The following LEPR variants were observed in gnomAD, a reference collection of about 807,000 sequenced individuals.
LEPR encodes the protein leptin receptor.
LEPR carries 56 observed loss-of-function variants against 114.7 expected under a neutral mutation model. The ratio of observed to expected loss-of-function variants is 0.49; its 90% confidence interval spans 0.39 to 0.61. LEPR has a LOEUF of 0.61. LEPR is among the 20% of genes least tolerant of loss of function. The pLI is 0.00. For missense variants in LEPR, 1,202 were observed against 1,352.9 expected (o/e 0.89, Z 1.75); for synonymous variants, 443 against 461.4 (o/e 0.96, Z 0.51).
rs746032514 is a variant in LEPR at position 65,420,692 on chromosome 1, G to A, written c.-145G>A. The A allele has an allele frequency of 3.2e-6, 5 of 1,572,514 alleles. No homozygotes were observed. Among genetic ancestry groups the A allele is most frequent in the South Asian group, 2.3e-5 (2 of 85,652 alleles). ...CAGGCTGCCCGGGCCGTGGCAGGAA[G>A]CCGGAAGCAGCCGCGGCCCCAGTTC... On this transcript the variant is annotated 5_prime_UTR_variant, in exon 1 of 20. Transcript: ENST00000349533.
intron 2 of LEPR, among the ~76,000 whole-genome samples, chr1:65,457,044 A>G (rs116498241): frequency 0.019 from 2,960 of 152,244 alleles, 67 homozygotes; most frequent in South Asian, 0.093. Context: ...CAAGAATCCA[A>G]TCCTTCAAAT....
Position 65,484,452 on chromosome 1 carries a change from TC to T in LEPR, c.-21+59075del. Among the ~76,000 whole-genome samples, 2 of 152,314 alleles carry T rather than the reference TC, an allele frequency of 1.3e-5. 1 individual carries two copies. Among genetic ancestry groups the T allele is most frequent in the South Asian group, 4.1e-4 (2 of 4,832 alleles). ...TGTTTTTTAAACTAATGATTTGCTTTCAAGTCAGTGTTGTCACACGTCCAAG... is the reference window on the plus strand; with the variant it reads ...TGTTTTTTAAACTAATGATTTGCTTTAAGTCAGTGTTGTCACACGTCCAAG... On this transcript the variant is annotated intron_variant, in intron 2 of 19. Transcript: ENST00000349533.
intron 2 of LEPR, among the ~76,000 whole-genome samples, chr1:65,518,247 A>T (rs940214111): frequency 6.6e-6 from 1 of 152,192 alleles, no homozygotes; most frequent in African/African-American, 2.4e-5. Flanking sequence ...CCACTGGTTT[A>T]AAATTCTCAA....
chr1:65,431,896 G>T (rs1646490319), intron 2 of LEPR: 1 of 1,614,012 alleles, frequency 6.2e-7, no homozygotes, highest in South Asian at 1.1e-5. Flanking sequence ...AAGAGGAGAT[G>T]ATTTTAGCTG....
intron 2 of LEPR, among the ~76,000 whole-genome samples, chr1:65,507,764 A>G (rs1239176641): frequency 1.3e-5 from 2 of 152,106 alleles, no homozygotes; most frequent in Admixed American, 6.6e-5. Context: ...TTAAAACTTC[A>G]TACTGTTTTT....
Position 65,637,099 on chromosome 1 carries a change from A to G in LEPR, c.*84A>G. ...TATAGTTGTGGGTGGGAGAGAGAAA[A>G]GAAACCAGAGTCAAATTTGAAAATA... On this transcript the variant is annotated 3_prime_UTR_variant, in exon 20 of 20. Transcript: ENST00000349533. 1 of 1,400,140 alleles carries G rather than the reference A, an allele frequency of 7.1e-7. No homozygotes were observed. Among genetic ancestry groups the G allele is most frequent in the Non-Finnish European group, 9.8e-7 (1 of 1,017,540 alleles). The allele number at this position is 1,400,140 out of a possible 1,614,324, so 86.7% of individuals were successfully genotyped here.
chr1:65,492,692 A>T (rs1323310857), intron 2 of LEPR, among the ~76,000 whole-genome samples: 2 of 151,946 alleles, frequency 1.3e-5, no homozygotes, highest in African/African-American at 4.8e-5. Context: ...ATTTTAGATA[A>T]ATGCATGTGT....
At chr1:65,475,494 C>G (rs968383846) in intron 2 of LEPR, among the ~76,000 whole-genome samples, 1 of 152,178 alleles carries the variant, frequency 6.6e-6, no homozygotes, top group African/African-American at 2.4e-5. Context: ...CTGAATTCTT[C>G]CCTTCCACGT....
At chr1:65,535,486 T>C (rs1650704225) in intron 2 of LEPR, among the ~76,000 whole-genome samples, 1 of 151,750 alleles carries the variant, frequency 6.6e-6, no homozygotes. Flanking sequence ...TGCCTCAGTG[T>C]CCCCACTGCA....
In LEPR at chr1:65,610,052, G is replaced by T; in HGVS notation, c.1858G>T (p.Gly620Ter). The change falls in exon 13 of 20, where the codon GGA (glycine) becomes TGA (stop). Residue 620 changes from glycine to a stop codon, truncating the protein, a stop_gained. Transcript: ENST00000349533. LOFTEE classifies it high-confidence loss of function. ...GCGCTGTAAGAGGCTAGATGGACTG[G>T]GATATTGGAGTAATTGGAGCAATCC... ...QVRCKRLDGL[G>*]YWSNWSNPAY... 1 of 1,614,202 alleles carries T rather than the reference G, an allele frequency of 6.2e-7. No individual in the cohort carries two copies. Among genetic ancestry groups the T allele is most frequent in the South Asian group, 1.1e-5 (1 of 91,090 alleles).
chr1:65,574,344 A>T lies in LEPR; in HGVS notation c.494+1895A>T, dbSNP rs138866310. 8.4e-3 allele frequency among the ~76,000 whole-genome samples: 1,273 copies of T among 152,354 alleles called. 11 individuals carry two copies. The highest frequency in any genetic ancestry group is 0.012 in the Non-Finnish European group (847 of 68,042). On this transcript the variant is annotated intron_variant, in intron 5 of 19. Coordinates refer to ENST00000349533, the MANE Select transcript of LEPR (RefSeq NM_002303.6). ...GCACACCAACATGGCACATGTATAC[A>T]TATGTAACAAACCTGCACGTTGTGC... is the stretch of plus-strand genomic sequence containing the variant.
intron 2 of LEPR, among the ~76,000 whole-genome samples, chr1:65,506,266 A>C (rs1026468367): frequency 6.6e-6 from 1 of 152,174 alleles, no homozygotes; most frequent in African/African-American, 2.4e-5. Context: ...ATATTGTCCC[A>C]CTCCTGGTAA....
intron 2 of LEPR, among the ~76,000 whole-genome samples, chr1:65,546,446 A>T (rs934639371): frequency 1.3e-5 from 2 of 152,074 alleles, no homozygotes; most frequent in African/African-American, 4.8e-5. Context: ...ATGAGCATGG[A>T]ATGTTCTTCC....
chr1:65,571,799 A>T lies in LEPR; in HGVS notation c.371-527A>T, dbSNP rs1314054350. On this transcript the variant is annotated intron_variant, in intron 4 of 19. Transcript: ENST00000349533. Reference sequence around the variant, plus strand: ...TGAAACCCCATCTCTACCAAAAAAAAAAAAAAAAAAAAAAAAAAAAATTAA... The same window carrying T: ...TGAAACCCCATCTCTACCAAAAAAATAAAAAAAAAAAAAAAAAAAAATTAA... Among the ~76,000 whole-genome samples the T allele has an allele frequency of 6.3e-3, 680 of 107,308 alleles. 8 individuals are homozygous for T. The highest frequency in any genetic ancestry group is 0.019 in the African/African-American group (621 of 32,448). 70.4% of individuals were successfully genotyped at this position (107,308 alleles called of 152,430 possible). A position where few individuals can be genotyped will look rare whatever the true frequency, so the allele number is the denominator to read the frequency against.
chr1:65,489,178 C>T (rs749379732), intron 2 of LEPR, among the ~76,000 whole-genome samples: 4 of 151,770 alleles, frequency 2.6e-5, no homozygotes, highest in Non-Finnish European at 5.9e-5. Flanking sequence ...TATAGTTTTC[C>T]AAGGAACTTT....
At chr1:65,582,787 C>A (rs975152154) in intron 5 of LEPR, among the ~76,000 whole-genome samples, 4 of 152,118 alleles carry the variant, frequency 2.6e-5, no homozygotes, top group African/African-American at 9.7e-5. Context: ...ATTTTCTGCA[C>A]CATCATGTTT....
chr1:65,506,311 C>T (rs147319835), intron 2 of LEPR, among the ~76,000 whole-genome samples: 5 of 152,042 alleles, frequency 3.3e-5, no homozygotes, highest in African/African-American at 7.2e-5. Context: ...GTAGGAGGAT[C>T]GATAAAAATT....
intron 2 of LEPR, chr1:65,427,707 G>A (rs1364725437): frequency 1.0e-5 from 3 of 292,118 alleles, no homozygotes; most frequent in African/African-American, 4.4e-5. Flanking sequence ...GTCTTTGTAA[G>A]GTAAGAAAAT....
chr1:65,473,046 A>G (rs1055866224), intron 2 of LEPR, among the ~76,000 whole-genome samples: 4 of 152,240 alleles, frequency 2.6e-5, no homozygotes, highest in African/African-American at 9.6e-5. Context: ...GACAGGTGCC[A>G]TTCTTCCTAA....
Sources: allele counts gnomAD v4.1 joint callset (sites outside exome capture counted in the v4.1 genomes callset), GRCh38; gene constraint gnomAD v4.1.1; transcripts MANE v1.5; gene names NCBI Gene and HGNC (gene_info 2026-07-23, HGNC 2026-07-21).